USP24: variants seen among roughly 807,000 people sequenced by gnomAD.
The protein encoded by USP24 is ubiquitin carboxyl-terminal hydrolase 24.
In USP24, 97 loss-of-function variants were observed where a neutral mutation model predicts 361.6. That is an observed-to-expected ratio of 0.27 (90% confidence interval 0.23 to 0.32). The LOEUF is 0.32. Among genes scored for constraint, USP24 ranks in the 10% least tolerant of loss-of-function variants. USP24 has a pLI of 1.00. For missense variants in USP24, 2,353 were observed against 3,165.6 expected (o/e 0.74, Z 6.16); for synonymous variants, 1,098 against 1,124.6 (o/e 0.98, Z 0.47).
At chr1:55,101,496 C>T in intron 43 of USP24, 88 bp downstream of exon 43, 3 of 1,522,720 alleles carry the variant, frequency 2.0e-6, no homozygotes, top group Non-Finnish European at 2.7e-6. Context: ...TTTTAGGAAA[C>T]CCCAAAAGCA....
chr1:55,156,649 A>C (rs566077605), intron 12 of USP24, among the ~76,000 whole-genome samples: 1 of 152,266 alleles, frequency 6.6e-6, no homozygotes, highest in South Asian at 2.1e-4. Flanking sequence ...AGAACACTAG[A>C]TTGATAAACA....
rs1235063539 is a variant in USP24, at chr1:55,066,910, C to T, written c.*2135G>A. 3.3e-5 allele frequency: 5 copies of T among 152,154 alleles called. No individual in the cohort carries two copies. The highest frequency in any genetic ancestry group is 5.9e-5 in the Non-Finnish European group (4 of 68,038). The allele number at this position is 152,154 out of a possible 1,614,324, so 9.4% of individuals were successfully genotyped here. On this transcript the variant is annotated 3_prime_UTR_variant, in exon 68 of 68. Coordinates refer to ENST00000294383, the MANE Select transcript of USP24 (RefSeq NM_015306.3). Reference sequence around the variant, plus strand: ...CAAGGTAAGCCTGTCATAACTGTCACTGTTGTACTACATTAAAAAAAGTCA... The same window carrying T: ...CAAGGTAAGCCTGTCATAACTGTCATTGTTGTACTACATTAAAAAAAGTCA...
rs1376027840 is a variant in USP24 at position 55,166,458 on chromosome 1, T to A, written c.861+110A>T. 3 of 1,043,266 alleles carry A rather than the reference T, an allele frequency of 2.9e-6. No homozygotes were observed. The East Asian group carries it at 8.0e-5, about 28-fold the overall frequency. 64.6% of individuals were successfully genotyped at this position (1,043,266 alleles called of 1,614,324 possible). On this transcript the variant is annotated intron_variant, in intron 6 of 67. Coordinates refer to ENST00000294383, the MANE Select transcript of USP24 (RefSeq NM_015306.3). ...ATATGAAATCCACTCCTTAAAGCAT[T>A]TTTTTTATTATTCTCTGCAGCTGCC...
chr1:55,178,485 G>A (rs558489753), intron 1 of USP24, among the ~76,000 whole-genome samples: 3 of 151,788 alleles, frequency 2.0e-5, no homozygotes, highest in South Asian at 2.1e-4. Flanking sequence ...TGGCTAACAC[G>A]GTGAAACCCC....
intron 55 of USP24, among the ~76,000 whole-genome samples, chr1:55,087,476 A>G (rs566873090): frequency 6.6e-6 from 1 of 152,368 alleles, no homozygotes; most frequent in East Asian, 1.9e-4. Flanking sequence ...TGATCTTTCT[A>G]TAACATTCTA....
At chr1:55,148,071 A>G (rs1211788051) in intron 17 of USP24, among the ~76,000 whole-genome samples, 1 of 152,150 alleles carries the variant, frequency 6.6e-6, no homozygotes, top group Non-Finnish European at 1.5e-5. Flanking sequence ...CACTTCCTGT[A>G]TACTTTTCTG....
chr1:55,169,239 G>T (rs1649207335), intron 5 of USP24, among the ~76,000 whole-genome samples: 1 of 152,022 alleles, frequency 6.6e-6, no homozygotes, highest in Non-Finnish European at 1.5e-5. Flanking sequence ...TCCGTGAATT[G>T]TACTACTATA....
chr1:55,133,978 G>A, intron 30 of USP24, 92 bp downstream of exon 30: 1 of 1,109,302 alleles, frequency 9.0e-7, no homozygotes, highest in Non-Finnish European at 1.3e-6. Context: ...TGGGAAAGAT[G>A]GTATCATATG....
At chr1:55,071,476 G>C in intron 67 of USP24, 1 of 1,051,112 alleles carries the variant, frequency 9.5e-7, no homozygotes, top group Non-Finnish European at 1.1e-6. Flanking sequence ...GAGCAAACGA[G>C]GGACTTTCAG....
intron 18 of USP24, among the ~76,000 whole-genome samples, 197 bp downstream of exon 18, chr1:55,147,452 C>CA (rs937835660): frequency 5.3e-5 from 8 of 151,548 alleles, no homozygotes; most frequent in Non-Finnish European, 1.0e-4. Flanking sequence ...AGATCAAAGA[C>CA]AAAAAAAAGA....
Position 55,214,820 on chromosome 1 carries a change from C to CG in USP24, c.293dup (p.Pro99AlafsTer13), listed in dbSNP as rs932211597. The stretch of plus-strand genomic sequence containing the variant: ...CGTCCACCACCTCGTGGTAGGCGGG[C>CG]GGGGGGTCGAAGCCGCCCCCGCCTC... On this transcript the variant is annotated frameshift_variant, in exon 1 of 68. Transcript: ENST00000294383. LOFTEE classifies it high-confidence loss of function. 8.2e-7 allele frequency: 1 copy of CG among 1,221,848 alleles called. No individual in the cohort carries two copies. The highest frequency in any genetic ancestry group is 1.0e-6 in the Non-Finnish European group (1 of 972,322). 75.7% of individuals were successfully genotyped at this position (1,221,848 alleles called of 1,614,324 possible).
chr1:55,095,141 T>C, intron 51 of USP24, 114 bp downstream of exon 51: 1 of 1,248,556 alleles, frequency 8.0e-7, no homozygotes, highest in Non-Finnish European at 1.0e-6. Context: ...GAATTCTTTT[T>C]AGAATTTCTC....
At chr1:55,092,795 T>G (rs929282438) in intron 53 of USP24, 26 bp downstream of exon 53, 8 of 1,463,430 alleles carry the variant, frequency 5.5e-6, no homozygotes, top group Non-Finnish European at 7.5e-6. Context: ...CCTTTCTTAT[T>G]TCTAACAATC....
rs556398892 is a variant in USP24 at position 55,121,162 on chromosome 1, A to G, written c.4347+274T>C. Among the ~76,000 whole-genome samples the G allele has an allele frequency of 5.3e-5, 8 of 152,332 alleles. No individual in the cohort carries two copies. The East Asian group carries it at 1.3e-3, about 26-fold the overall frequency. On this transcript the variant is annotated intron_variant, in intron 37 of 67. Transcript: ENST00000294383. ...TTAGTGCCAGCTGCCCTTGTGAGCT[A>G]TGGATATCAGACACTGGTTGTAACG...
Position 55,095,283 on chromosome 1 carries a change from C to T in USP24, c.6175G>A (p.Val2059Ile), listed in dbSNP as rs750130914. 8 of 1,613,704 alleles carry T rather than the reference C, an allele frequency of 5.0e-6. No individual in the cohort carries two copies. Among genetic ancestry groups the T allele is most frequent in the African/African-American group, 1.3e-5 (1 of 75,054 alleles). ...VLPKKSRVSV[V>I]RQEAEDLSLS... Reference sequence around the variant, plus strand: ...GAGAGATCCTCAGCTTCCTGCCGTACAACGCTGACTCGACTTTTCTTTGGT... The same window carrying T: ...GAGAGATCCTCAGCTTCCTGCCGTATAACGCTGACTCGACTTTTCTTTGGT... The change falls in exon 51 of 68, where the codon GTA (valine) becomes ATA (isoleucine). Residue 2059 changes from valine to isoleucine, a missense_variant. Coordinates refer to ENST00000294383, the MANE Select transcript of USP24 (RefSeq NM_015306.3).
At chr1:55,080,019 A>G (rs1645117754) in intron 59 of USP24, among the ~76,000 whole-genome samples, 1 of 152,164 alleles carries the variant, frequency 6.6e-6, no homozygotes, top group African/African-American at 2.4e-5. Flanking sequence ...ATAATCTTTC[A>G]AAGAGGTAAA....
At chr1:55,203,058 C>T (rs1644617448) in intron 1 of USP24, among the ~76,000 whole-genome samples, 1 of 151,902 alleles carries the variant, frequency 6.6e-6, no homozygotes, top group African/African-American at 2.4e-5. Context: ...CTTACTGTGC[C>T]CAATTTATAC....
chr1:55,133,838 G>A (rs1646661447), intron 30 of USP24, among the ~76,000 whole-genome samples: 1 of 152,006 alleles, frequency 6.6e-6, no homozygotes, highest in Non-Finnish European at 1.5e-5. Context: ...ACCCTACATT[G>A]CCCAGGCTGG....
rs745997508 is a variant in USP24, at chr1:55,134,398, C to A, written c.3217G>T (p.Gly1073Cys). The change falls in exon 29 of 68, where the codon GGT (glycine) becomes TGT (cysteine). Residue 1073 changes from glycine to cysteine, a missense_variant. By Grantham distance (159) the Gly-to-Cys change is radical. This residue lies in a region of USP24 where 949 missense variants were observed against 1,280.5 expected (regional missense o/e 0.74). Coordinates refer to ENST00000294383, the MANE Select transcript of USP24 (RefSeq NM_015306.3). ...YAMEQEKSLPGVVMALVCNVF... is the reference protein window; with the variant it reads ...YAMEQEKSLPCVVMALVCNVF... ...TTACATACGAGAGCCATCACTACAC[C>A]AGGGAGGGATTTCTCCTGATGGAAA... The A allele has an allele frequency of 9.3e-6, 15 of 1,611,086 alleles. No homozygotes were observed. Among genetic ancestry groups the A allele is most frequent in the Non-Finnish European group, 1.3e-5 (15 of 1,177,864 alleles).
Sources: gnomAD v4.1 joint callset for allele counts (sites outside exome capture counted in the v4.1 genomes callset) on GRCh38, gnomAD v4.1.1 for gene constraint, gnomAD v4.1.1 regional missense constraint, MANE v1.5 for transcripts, NCBI Gene and HGNC (gene_info 2026-07-23, HGNC 2026-07-21) for gene names.